TTN: variants seen among roughly 807,000 people sequenced by gnomAD.
TTN encodes titin.
A neutral mutation model predicts 3,223.0 loss-of-function variants in TTN; 1,525 were observed. That is an observed-to-expected ratio of 0.47 (90% CI 0.45 to 0.49). TTN has a LOEUF of 0.49. Among genes scored for constraint, TTN ranks in the 20% least tolerant of loss-of-function variants. The pLI is 0.00. For missense variants in TTN, 40,786 were observed against 43,424.0 expected (o/e 0.94, Z 5.40); for synonymous variants, 14,094 against 15,161.0 (o/e 0.93, Z 5.17).
Position 178,711,064 on chromosome 2 carries a change from G to C in TTN, c.28172C>G (p.Thr9391Arg). ...TGAAAGTTTAAGAATCCACAAACCT[G>C]TGAGAATGAGCCTGGCACTGGAAGA... is the stretch of plus-strand genomic sequence containing the variant. The part of the protein sequence containing the change: ...SASSSARLIL[T>R]EGKNPPFFDI... The change falls in exon 97 of 363, where the codon ACA becomes AGA. Residue 9391 changes from threonine (T) to arginine (R), a missense_variant and splice_region_variant. Transcript: ENST00000589042. 6.3e-7 allele frequency: 1 copy of C among 1,575,646 alleles called. No homozygotes were observed. Among genetic ancestry groups the C allele is most frequent in the Non-Finnish European group, 8.6e-7 (1 of 1,163,186 alleles).
At position 178,603,055 on chromosome 2, in the gene TTN, C is replaced by G. The variant is rs185939054; in HGVS notation, c.54812-465G>C. On this transcript the variant is annotated intron_variant, in intron 282 of 362. Transcript: ENST00000589042. ...GACAGGATCAGTGTCTACAATAATC[C>G]CATAACAATCCTTTACCTTTCTGAA... Among the ~76,000 whole-genome samples, 509 of 152,020 alleles carry G rather than the reference C, an allele frequency of 3.3e-3. 3 individuals are homozygous for G. Among genetic ancestry groups the G allele is most frequent in the South Asian group, 6.0e-3 (29 of 4,830 alleles).
intron 47 of TTN, chr2:178,747,759 T>C (rs749941230): frequency 6.2e-7 from 1 of 1,611,628 alleles, no homozygotes; most frequent in South Asian, 1.1e-5. Flanking sequence ...GAAAAACTAG[T>C]TTCTATCATT....
Position 178,634,109 on chromosome 2 carries a change from T to G in TTN, c.42416-26A>C, listed in dbSNP as rs755368896. ...CTGAAATGCAAGCATAGATAATGCC[T>G]CAGAAACACAATTCACCTTCAGAAA... On this transcript the variant is annotated intron_variant, in intron 230 of 362. Coordinates refer to ENST00000589042, the MANE Select transcript of TTN (RefSeq NM_001267550.2). This position sits in a 1 kb window ranked among gnomAD's most constrained non-coding sequence, Gnocchi z 4.6. The G allele has an allele frequency of 6.2e-7, 1 of 1,608,870 alleles. No homozygotes were observed. Among genetic ancestry groups the G allele is most frequent in the Non-Finnish European group, 8.5e-7 (1 of 1,178,702 alleles).
Position 178,573,024 on chromosome 2 carries a change from A to G in TTN, c.73108T>C (p.Trp24370Arg), listed in dbSNP as rs879236420. ...CCTGCTGGTGGAGTGACAATCTGCC[A>G]TTCATCTTCCTCTGGCAGGGCAATC... ...VEIALPEEDE[W>R]QIVTPPAGLK... The change falls in exon 326 of 363, where the codon TGG (tryptophan) becomes CGG (arginine). Residue 24370 changes from tryptophan (W) to arginine (R), a missense_variant. Trp to Arg is a moderately radical substitution (Grantham distance 101). Coordinates refer to ENST00000589042, the MANE Select transcript of TTN (RefSeq NM_001267550.2). 6.2e-7 allele frequency: 1 copy of G among 1,612,992 alleles called. No individual in the cohort carries two copies. Among genetic ancestry groups the G allele is most frequent in the South Asian group, 1.1e-5 (1 of 91,036 alleles).
At chr2:178,628,928 G>C (rs1346956954) in intron 240 of TTN, among the ~76,000 whole-genome samples, 4 of 152,104 alleles carry the variant, frequency 2.6e-5, no homozygotes, top group South Asian at 2.1e-4. Flanking sequence ...AGGATGGAGA[G>C]CGTTAGTCTT....
chr2:178,755,461 A>C (rs2086660486), intron 46 of TTN, among the ~76,000 whole-genome samples: 1 of 151,888 alleles, frequency 6.6e-6, no homozygotes, highest in African/African-American at 2.4e-5. Context: ...TTGGAGATGG[A>C]GTCTAGTTCT....
chr2:178,747,177 T>G (rs141373450), intron 47 of TTN: 1 of 1,609,820 alleles, frequency 6.2e-7, no homozygotes, highest in African/African-American at 1.3e-5. Context: ...CCTGGGGGTG[T>G]GGAGTATCTC....
rs753967211 is a variant in TTN at position 178,664,545 on chromosome 2, G to A, written c.36203-8C>T. On this transcript the variant is annotated splice_region_variant and splice_polypyrimidine_tract_variant and intron_variant, in intron 167 of 362. Transcript: ENST00000589042. ...CTCTGAGAGCCTCCGGCACTTTGAA[G>A]ATATTAATAATTTTACATTTAGAAG... 1 of 1,608,848 alleles carries A rather than the reference G, an allele frequency of 6.2e-7. No individual in the cohort carries two copies. The highest frequency in any genetic ancestry group is 2.2e-5 in the East Asian group (1 of 44,836).
In TTN at chr2:178,630,927, C is replaced by G; in HGVS notation, c.44031G>C (p.Leu14677=). Residue 14677 remains leucine (L), a synonymous_variant, in exon 238 of 363, where the codon CTG becomes CTC. Transcript: ENST00000589042. ...KLDIEDREIK[L]VRPLHSVEVM... ...CCTCCACACTGTGCAGGGGTCGCAC[C>G]AGTTTAATTTCCCGATCTAGAAAAG... The G allele has an allele frequency of 6.2e-7, 1 of 1,611,496 alleles. No homozygotes were observed. The highest frequency in any genetic ancestry group is 1.7e-4 in the Middle Eastern group (1 of 6,040).
At chr2:178,641,377 T>C in intron 219 of TTN, 62 bp from the exon 220 acceptor site, 1 of 966,902 alleles carries the variant, frequency 1.0e-6, no homozygotes, top group South Asian at 1.6e-5. Flanking sequence ...TTGAATAAGC[T>C]TGACAAATGC....
rs200697681 is a variant in TTN, at chr2:178,564,240, C to T, written c.81892G>A (p.Asp27298Asn). ...HAGETFVLEA[D>N]IRGKPIPDVV... ...TCAGGTATAGGTTTGCCACGGATGT[C>T]GGCTTCAAGAACAAAAGTCTCTCCT... Residue 27298 changes from aspartate (D) to asparagine (N), a missense_variant, in exon 326 of 363, where the codon GAC (aspartate) becomes AAC (asparagine). Coordinates refer to ENST00000589042, the MANE Select transcript of TTN (RefSeq NM_001267550.2). The T allele has an allele frequency of 1.6e-4, 258 of 1,613,260 alleles. No homozygotes were observed. The highest frequency in any genetic ancestry group is 8.7e-4 in the Admixed American group (52 of 59,994).
intron 20 of TTN, 40 bp from the exon 21 acceptor site, chr2:178,781,303 C>G (rs971650950): frequency 1.2e-5 from 19 of 1,610,292 alleles, no homozygotes; most frequent in Non-Finnish European, 1.5e-5. Flanking sequence ...CAGTTATCAA[C>G]AACTCTTCTG....
At position 178,552,937 on chromosome 2, in the gene TTN, G is replaced by A. The variant is rs1313004711; in HGVS notation, c.89963C>T (p.Ser29988Phe). The change falls in exon 335 of 363, where the codon TCT becomes TTT. Residue 29988 changes from serine to phenylalanine, a missense_variant. Ser to Phe is a radical substitution (Grantham distance 155). Transcript: ENST00000589042. ...ATCTATTAGCTTGAAGGATGTGCTA[G>A]AACATTTGTGTGACACGACAGACCA... Reference protein sequence around the residue: ...RTWSVVSHKCSSTSFKLIDLS... With the variant: ...RTWSVVSHKCFSTSFKLIDLS... The A allele has an allele frequency of 6.2e-7, 1 of 1,613,466 alleles. No homozygotes were observed. The highest frequency in any genetic ancestry group is 2.2e-5 in the East Asian group (1 of 44,856).
intron 111 of TTN, among the ~76,000 whole-genome samples, chr2:178,700,624 C>A (rs1342365964): frequency 6.6e-6 from 1 of 152,202 alleles, no homozygotes; most frequent in Non-Finnish European, 1.5e-5. Flanking sequence ...TTGGTGAGAT[C>A]ATGCCTTAGG....
chr2:178,745,823 G>T (rs2083402051), intron 47 of TTN: 1 of 1,613,118 alleles, frequency 6.2e-7, no homozygotes, highest in Non-Finnish European at 8.5e-7. Flanking sequence ...TGTACCTATT[G>T]GTGCATAACA....
In TTN at chr2:178,548,353, A is replaced by G. The variant is rs763624426; in HGVS notation, c.93273T>C (p.Ser31091=). The change falls in exon 339 of 363, where the codon TCT becomes TCC. Residue 31091 remains serine (S), a synonymous_variant. Transcript: ENST00000589042. The surrounding 1 kb of genome is among the most constrained non-coding windows in gnomAD (Gnocchi z 4.3). Reference sequence around the variant, plus strand: ...CACCAACACCATACTCATTTACTGCAGAAACACGGAAATAGTACGGAACAC... The same window carrying G: ...CACCAACACCATACTCATTTACTGCGGAAACACGGAAATAGTACGGAACAC... The part of the protein sequence containing the change: ...AEGVPYYFRV[S]AVNEYGVGEP... The G allele has an allele frequency of 6.2e-7, 1 of 1,613,872 alleles. No individual in the cohort carries two copies. The highest frequency in any genetic ancestry group is 8.5e-7 in the Non-Finnish European group (1 of 1,179,820).
intron 68 of TTN, 68 bp from the exon 69 acceptor site, chr2:178,727,439 A>G: frequency 4.0e-6 from 6 of 1,510,672 alleles, no homozygotes; most frequent in East Asian, 2.3e-5. Context: ...ATTAGATAGT[A>G]TACAGGCAAG....
Position 178,533,733 on chromosome 2 carries a change from T to C in TTN, c.102882A>G (p.Ser34294=), listed in dbSNP as rs373384005. Residue 34294 remains serine (S), a synonymous_variant, in exon 358 of 363, where the codon TCA becomes TCG. Coordinates refer to ENST00000589042, the MANE Select transcript of TTN (RefSeq NM_001267550.2). ...TGTCACCTGGTTTGATTTTCTGACCTGATTTATACCATGTTACATGAGGCT... is the reference window on the plus strand; with the variant it reads ...TGTCACCTGGTTTGATTTTCTGACCCGATTTATACCATGTTACATGAGGCT... ...HPEPHVTWYK[S]GQKIKPGDND... 2.5e-6 allele frequency: 4 copies of C among 1,613,868 alleles called. No individual in the cohort carries two copies. Among genetic ancestry groups the C allele is most frequent in the Non-Finnish European group, 3.4e-6 (4 of 1,179,886 alleles).
rs763312873 is a variant in TTN at position 178,566,343 on chromosome 2, C to T, written c.79789G>A (p.Glu26597Lys). The change falls in exon 326 of 363, where the codon GAA becomes AAA. Residue 26597 changes from glutamate to lysine, a missense_variant. Physicochemically the swap from Glu to Lys is moderately conservative, Grantham distance 56. Transcript: ENST00000589042. ...CTTACAACAATTCCTTTTCTTAATTCGGAGTCAAGGTCAAGTTCAGGTGCT... is the reference window on the plus strand; with the variant it reads ...CTTACAACAATTCCTTTTCTTAATTTGGAGTCAAGGTCAAGTTCAGGTGCT... ...LEAPELDLDS[E>K]LRKGIVVRAG... 9.3e-6 allele frequency: 15 copies of T among 1,613,366 alleles called. No homozygotes were observed. The highest frequency in any genetic ancestry group is 5.0e-5 in the Admixed American group (3 of 59,952).
Sources: gnomAD v4.1 joint callset for allele counts (sites outside exome capture counted in the v4.1 genomes callset) on GRCh38, gnomAD v4.1.1 for gene constraint, Gnocchi (gnomAD v3.1) non-coding constraint, MANE v1.5 for transcripts, NCBI Gene and HGNC (gene_info 2026-07-23, HGNC 2026-07-21) for gene names.